The following APBB2 variants were observed in gnomAD, a reference collection of about 807,000 sequenced individuals.
The protein encoded by APBB2 is Fe65-like 1.
APBB2 carries 38 observed loss-of-function variants against 82.5 expected under a neutral mutation model. The ratio of observed to expected loss-of-function variants is 0.46; its 90% CI spans 0.36 to 0.60. The LOEUF is 0.60. Among genes scored for constraint, APBB2 ranks in the 20% least tolerant of loss-of-function variants. The probability of loss-of-function intolerance (pLI) is 0.00; values close to 1 mark genes in which losing one functional copy is unlikely to be tolerated. For missense variants in APBB2, 772 were observed against 972.3 expected (o/e 0.79, Z 2.74); for synonymous variants, 341 against 368.2 (o/e 0.93, Z 0.85).
In APBB2 at chr4:40,813,792, A is replaced by C. The variant is rs1398852909; in HGVS notation, c.*2300T>G. ...AGTGGGTAATTTGTTTAGAATTTTGAAATTTATCACACTAAAATGTTTCAC... is the reference window on the plus strand; with the variant it reads ...AGTGGGTAATTTGTTTAGAATTTTGCAATTTATCACACTAAAATGTTTCAC... On this transcript the variant is annotated 3_prime_UTR_variant, in exon 18 of 18. Transcript: ENST00000508593. 6.6e-6 allele frequency: 1 copy of C among 152,178 alleles called. No individual in the cohort carries two copies. The highest frequency in any genetic ancestry group is 2.4e-5 in the African/African-American group (1 of 41,444). 9.4% of individuals were successfully genotyped at this position (152,178 alleles called of 1,614,324 possible). A position where few individuals can be genotyped will look rare whatever the true frequency, so the allele number is the denominator to read the frequency against.
At chr4:41,121,931 ATGTG>A (rs1197932962) in intron 2 of APBB2, among the ~76,000 whole-genome samples, 1 of 151,066 alleles carries the variant, frequency 6.6e-6, no homozygotes, top group Admixed American at 6.6e-5. Context: ...GTGTGTGTGT[ATGTG>A]TGTGTGTCTG....
At chr4:40,985,109 T>A (rs2154406650) in intron 6 of APBB2, among the ~76,000 whole-genome samples, 1 of 152,084 alleles carries the variant, frequency 6.6e-6, no homozygotes, top group East Asian at 1.9e-4. Flanking sequence ...GAGATGGGGT[T>A]TCACCATATT....
rs1306391675 is a variant in APBB2 at position 41,031,233 on chromosome 4, TTTAA to T, written c.19+1999_19+2002del. Among the ~76,000 whole-genome samples, 259 of 150,824 alleles carry T rather than the reference TTTAA, an allele frequency of 1.7e-3. 1 individual carries two copies. The highest frequency in any genetic ancestry group is 6.2e-3 in the African/African-American group (251 of 40,434). On this transcript the variant is annotated intron_variant, in intron 5 of 17. Transcript: ENST00000508593. ...GAGCAAGACTCTGTCTCAAAAAAAA[TTTAA>T]ATAAATAAATAAATAAATAAATTCT...
At chr4:41,048,867 G>A (rs1038065947) in intron 4 of APBB2, among the ~76,000 whole-genome samples, 1 of 152,298 alleles carries the variant, frequency 6.6e-6, no homozygotes, top group East Asian at 1.9e-4. Context: ...TGGAGACAGG[G>A]TTTCGCTGTG....
intron 3 of APBB2, among the ~76,000 whole-genome samples, chr4:41,067,211 AC>A (rs1732206213): frequency 6.6e-6 from 1 of 152,152 alleles, no homozygotes; most frequent in South Asian, 2.1e-4. Flanking sequence ...GGAGTTCGGG[AC>A]CAGCCTGACC....
intron 1 of APBB2, among the ~76,000 whole-genome samples, chr4:41,157,079 A>C (rs1397422401): frequency 6.6e-6 from 1 of 151,768 alleles, no homozygotes; most frequent in South Asian, 2.1e-4. Flanking sequence ...AAAAAAAAAA[A>C]AAAACAAGGA....
At chr4:40,816,303 T>A (rs1560590463) in intron 17 of APBB2, 44 bp from the exon 18 acceptor site, 1 of 1,603,772 alleles carries the variant, frequency 6.2e-7, no homozygotes, top group East Asian at 2.2e-5. Flanking sequence ...AACAACATAT[T>A]ATTTCATCTT....
At chr4:40,938,329 C>T (rs2154377248) in intron 7 of APBB2, among the ~76,000 whole-genome samples, 1 of 152,304 alleles carries the variant, frequency 6.6e-6, no homozygotes, top group African/African-American at 2.4e-5. Context: ...GACAGTGTGT[C>T]TAGGGGGACT....
intron 6 of APBB2, among the ~76,000 whole-genome samples, chr4:41,000,057 A>ATGTGTG (rs1804726089): frequency 2.3e-5 from 2 of 86,264 alleles, no homozygotes; most frequent in Admixed American, 1.3e-4. Context: ...GTATATGTAT[A>ATGTGTG]TATATGTGTG....
intron 1 of APBB2, among the ~76,000 whole-genome samples, chr4:41,204,533 C>T (rs1217995177): frequency 6.6e-6 from 1 of 152,144 alleles, no homozygotes; most frequent in African/African-American, 2.4e-5. Flanking sequence ...GAAGCTTTGC[C>T]CCACACACTC....
intron 1 of APBB2, among the ~76,000 whole-genome samples, chr4:41,204,589 T>C (rs1008756461): frequency 6.6e-6 from 1 of 152,216 alleles, no homozygotes; most frequent in Non-Finnish European, 1.5e-5. Flanking sequence ...GCACTGAGTA[T>C]TTCTCCCAGT....
intron 6 of APBB2, among the ~76,000 whole-genome samples, chr4:40,967,426 A>C (rs1259818976): frequency 1.3e-5 from 2 of 152,198 alleles, no homozygotes; most frequent in Non-Finnish European, 2.9e-5. Context: ...GAGCTCCCTG[A>C]GCCAGGGCTA....
At chr4:41,033,604 A>ACACACACACT in intron 4 of APBB2, among the ~76,000 whole-genome samples, 1 of 150,794 alleles carries the variant, frequency 6.6e-6, no homozygotes. Context: ...ACACACACAC[A>ACACACACACT]CACACACACA....
intron 10 of APBB2, among the ~76,000 whole-genome samples, chr4:40,899,397 T>C (rs1311297478): frequency 6.6e-6 from 1 of 152,202 alleles, no homozygotes; most frequent in Non-Finnish European, 1.5e-5. Flanking sequence ...GGAACACTCA[T>C]CTTGTGTGCA....
chr4:41,058,218 G>GGACA (rs1374769865), intron 4 of APBB2, among the ~76,000 whole-genome samples: 1 of 151,282 alleles, frequency 6.6e-6, no homozygotes, highest in Non-Finnish European at 1.5e-5. Flanking sequence ...CAAACAAAAA[G>GGACA]GACACTCTTT....
At chr4:40,846,244 G>C (rs977837652) in intron 12 of APBB2, among the ~76,000 whole-genome samples, 7 of 148,338 alleles carry the variant, frequency 4.7e-5, no homozygotes, top group African/African-American at 1.7e-4. Context: ...ATCACTATGT[G>C]AGAGAGGGAA....
chr4:41,176,355 T>C (rs1769774077), intron 1 of APBB2, among the ~76,000 whole-genome samples: 1 of 151,190 alleles, frequency 6.6e-6, no homozygotes, highest in Non-Finnish European at 1.5e-5. Flanking sequence ...CCAATTCCCA[T>C]AAAGAATGTA....
At chr4:40,915,182 C>T in intron 10 of APBB2, among the ~76,000 whole-genome samples, 1 of 152,196 alleles carries the variant, frequency 6.6e-6, no homozygotes, top group East Asian at 1.9e-4. Flanking sequence ...TCACCATGGG[C>T]TCCCCCCACC....
intron 2 of APBB2, among the ~76,000 whole-genome samples, chr4:41,126,017 C>T (rs948322448): frequency 6.6e-6 from 1 of 152,144 alleles, no homozygotes; most frequent in South Asian, 2.1e-4. Flanking sequence ...ACCTCAGCTT[C>T]GTTTCACACC....
Sources: allele counts gnomAD v4.1 joint callset (sites outside exome capture counted in the v4.1 genomes callset), GRCh38; gene constraint gnomAD v4.1.1; transcripts MANE v1.5; gene names NCBI Gene and HGNC (gene_info 2026-07-23, HGNC 2026-07-21).